Variants in CD38 observed in about 807,000 individuals in gnomAD.
CD38 encodes ADP-ribosyl cyclase/cyclic ADP-ribose hydrolase 1.
Under a neutral mutation model 36.3 loss-of-function variants are expected in CD38, and 31 were observed. The ratio of observed to expected loss-of-function variants is 0.85; its 90% CI spans 0.64 to 1.15. The LOEUF (loss-of-function observed/expected upper bound fraction) is 1.15, where lower values mean the gene tolerates loss of function less well. Among genes scored for constraint, CD38 ranks in the 50% most tolerant of loss-of-function variants. CD38 has a pLI of 0.00. For synonymous variants in CD38, 131 were observed against 135.2 expected (o/e 0.97, Z 0.22); for missense variants, 380 against 371.9 (o/e 1.02, Z -0.18).
rs1722893275 is a variant in CD38, at chr4:15,788,673, G to T, written c.233+10026G>T. 2.0e-5 allele frequency among the ~76,000 whole-genome samples: 3 copies of T among 152,200 alleles called. 1 individual carries two copies. The South Asian group carries it at 6.2e-4, about 32-fold the overall frequency. On this transcript the variant is annotated intron_variant, in intron 1 of 7. Coordinates refer to ENST00000226279, the MANE Select transcript of CD38 (RefSeq NM_001775.4). ...CATCAGAATCAGGACCCCGAATAGT[G>T]AATAGGCAAGAGTAACAGCTGAATT...
At chr4:15,780,509 TTCTC>T (rs1303989680) in intron 1 of CD38, among the ~76,000 whole-genome samples, 2 of 122,676 alleles carry the variant, frequency 1.6e-5, no homozygotes, top group Admixed American at 1.8e-4. Flanking sequence ...TTAGATAATA[TTCTC>T]TCTCTCACAC....
intron 4 of CD38, among the ~76,000 whole-genome samples, chr4:15,835,363 CTTTTTTTTTTTTTTTT>C (rs35143834): frequency 0.012 from 672 of 57,752 alleles, 9 homozygotes; most frequent in African/African-American, 0.03. Flanking sequence ...GACAGGAATA[CTTTTTTTTTTTTTTTT>C]TTTTTTTTTT....
Position 15,847,595 on chromosome 4 carries a change from CAAAAAAAAAAAA to C in CD38, c.840-927_840-916del, listed in dbSNP as rs71179666. On this transcript the variant is annotated intron_variant, in intron 7 of 7. Transcript: ENST00000226279. ...AAAAATAAAAAACAACTCTCAGAAG[CAAAAAAAAAAAA>C]AAAAAAAAAAAAAAAAGCAATCTTG... 3.1e-3 allele frequency among the ~76,000 whole-genome samples: 119 copies of C among 38,180 alleles called. 2 individuals carry two copies. Among genetic ancestry groups the C allele is most frequent in the Non-Finnish European group, 4.1e-3 (97 of 23,772 alleles). 25.0% of individuals were successfully genotyped at this position (38,180 alleles called of 152,430 possible). A position where few individuals can be genotyped will look rare whatever the true frequency, so the allele number is the denominator to read the frequency against.
intron 1 of CD38, among the ~76,000 whole-genome samples, chr4:15,783,223 G>C (rs1400478918): frequency 6.6e-6 from 1 of 152,188 alleles, no homozygotes; most frequent in East Asian, 1.9e-4. Flanking sequence ...CCAGTGTCTG[G>C]TGATAGTCAG....
chr4:15,804,346 A>G (rs1349398326), intron 1 of CD38, among the ~76,000 whole-genome samples: 3 of 152,252 alleles, frequency 2.0e-5, no homozygotes, highest in Admixed American at 6.5e-5. Context: ...TAGTACAGCT[A>G]TTATGGAAAG....
chr4:15,778,870 G>GC lies in CD38; in HGVS notation c.233+223_233+224insC, dbSNP rs2148911760. ...AGCGTGCCCGCGGGAGGCGGGGGGG[G>GC]GCGCTGCTCGGTGGCTCTGCTGCGT... On this transcript the variant is annotated intron_variant, in intron 1 of 7. Coordinates refer to ENST00000226279, the MANE Select transcript of CD38 (RefSeq NM_001775.4). The surrounding 1 kb of genome is among the most constrained non-coding windows in gnomAD (Gnocchi z 4.9). Among the ~76,000 whole-genome samples the GC allele has an allele frequency of 6.6e-6, 1 of 152,170 alleles. No homozygotes were observed. Among genetic ancestry groups the GC allele is most frequent in the East Asian group, 1.9e-4 (1 of 5,156 alleles).
At chr4:15,839,034 A>C (rs1055610928) in intron 5 of CD38, among the ~76,000 whole-genome samples, 2 of 152,100 alleles carry the variant, frequency 1.3e-5, no homozygotes, top group Admixed American at 1.3e-4. Flanking sequence ...CTCTAATCCC[A>C]CATAAGGCTG....
intron 1 of CD38, among the ~76,000 whole-genome samples, chr4:15,789,550 T>G (rs1387959995): frequency 1.3e-5 from 2 of 152,224 alleles, no homozygotes; most frequent in East Asian, 3.8e-4. Flanking sequence ...TTTGCACATT[T>G]GTCCCCTCCA....
Position 15,848,845 on chromosome 4 carries a change from G to T in CD38, c.*243G>T. On this transcript the variant is annotated 3_prime_UTR_variant, in exon 8 of 8. Transcript: ENST00000226279. ...TATAAGATTAGAATGAAAATTGTAT[G>T]TTAAGTTACTTCACTTTAATTCTCA... 1 of 348,702 alleles carries T rather than the reference G, an allele frequency of 2.9e-6. No homozygotes were observed. The highest frequency in any genetic ancestry group is 5.2e-6 in the Non-Finnish European group (1 of 192,950). The allele number at this position is 348,702 out of a possible 1,614,324, so 21.6% of individuals were successfully genotyped here.
At chr4:15,812,210 G>A (rs1008922373) in intron 1 of CD38, among the ~76,000 whole-genome samples, 1 of 152,188 alleles carries the variant, frequency 6.6e-6, no homozygotes, top group East Asian at 1.9e-4. Flanking sequence ...ATTGTAGTAA[G>A]TTTTGAAATC....
chr4:15,816,254 G>A (rs138223289), intron 1 of CD38, among the ~76,000 whole-genome samples: 46 of 152,110 alleles, frequency 3.0e-4, no homozygotes, highest in African/African-American at 8.4e-4. Flanking sequence ...GCCAGGTTTC[G>A]GTATTAGGAT....
Position 15,811,916 on chromosome 4 carries a change from C to G in CD38, c.234-4595C>G, listed in dbSNP as rs563773200. ...GGTAAGGGTCTTAACACTGGACATG[C>G]CTGGGCTCAGGTTTCTTGCTTTTAA... On this transcript the variant is annotated intron_variant, in intron 1 of 7. Transcript: ENST00000226279. Among the ~76,000 whole-genome samples the G allele has an allele frequency of 7.0e-4, 106 of 152,282 alleles. No homozygotes were observed. The Middle Eastern group carries it at 0.01, about 15-fold the overall frequency.
At chr4:15,782,698 A>T (rs1044483374) in intron 1 of CD38, among the ~76,000 whole-genome samples, 8 of 152,262 alleles carry the variant, frequency 5.3e-5, no homozygotes, top group African/African-American at 1.9e-4. Context: ...TGTCTTGAGC[A>T]TAGAAACTGT....
intron 3 of CD38, among the ~76,000 whole-genome samples, chr4:15,829,770 T>C (rs899932658): frequency 1.3e-5 from 2 of 152,198 alleles, no homozygotes; most frequent in Admixed American, 1.3e-4. Flanking sequence ...GGTAACCATT[T>C]TTCTATTCTC....
chr4:15,840,600 T>A (rs772882346), intron 7 of CD38, 62 bp downstream of exon 7: 42 of 921,878 alleles, frequency 4.6e-5, no homozygotes, highest in Non-Finnish European at 6.6e-5. Context: ...TTTCCTTTTT[T>A]CCTTAGCCTC....
chr4:15,841,685 G>A (rs1430811292), intron 7 of CD38, among the ~76,000 whole-genome samples: 6 of 149,774 alleles, frequency 4.0e-5, no homozygotes, highest in Non-Finnish European at 7.4e-5. Context: ...GACAGTGGGC[G>A]CAGGCCAGTG....
At chr4:15,805,814 C>A (rs1021281007) in intron 1 of CD38, among the ~76,000 whole-genome samples, 2 of 152,296 alleles carry the variant, frequency 1.3e-5, no homozygotes, top group East Asian at 3.9e-4. Flanking sequence ...CAGTCTTTAC[C>A]TTCAACACAG....
In CD38 at chr4:15,852,833, A is replaced by T. The variant is rs1232802184; in HGVS notation, c.*4231A>T. On this transcript the variant is annotated 3_prime_UTR_variant, in exon 8 of 8. Coordinates refer to ENST00000226279, the MANE Select transcript of CD38 (RefSeq NM_001775.4). ...TCTTTTTTTTTTTTTTTTTTGGGAGACGGAGTCTCGCTGTCGCCCAGGCTA... is the reference window on the plus strand; with the variant it reads ...TCTTTTTTTTTTTTTTTTTTGGGAGTCGGAGTCTCGCTGTCGCCCAGGCTA... The T allele has an allele frequency of 8.1e-6, 1 of 123,122 alleles. No individual in the cohort carries two copies. Among genetic ancestry groups the T allele is most frequent in the Non-Finnish European group, 1.6e-5 (1 of 61,850 alleles). The allele number at this position is 123,122 out of a possible 1,614,324, so 7.6% of individuals were successfully genotyped here.
intron 1 of CD38, among the ~76,000 whole-genome samples, chr4:15,784,565 AT>A (rs1722770082): frequency 6.6e-6 from 1 of 152,086 alleles, no homozygotes; most frequent in Non-Finnish European, 1.5e-5. Context: ...GAGGGTGACC[AT>A]TTTGCACAGG....
Sources: allele counts gnomAD v4.1 joint callset (sites outside exome capture counted in the v4.1 genomes callset), GRCh38; gene constraint gnomAD v4.1.1; non-coding constraint Gnocchi (gnomAD v3.1); transcripts MANE v1.5; gene names NCBI Gene and HGNC (gene_info 2026-07-23, HGNC 2026-07-21).